The following CCDC150 variants were observed in gnomAD, a reference collection of about 807,000 sequenced individuals.
CCDC150 encodes coiled-coil domain-containing protein 150.
In CCDC150, 151 loss-of-function variants were observed where a neutral mutation model predicts 156.5. The observed-to-expected ratio is 0.97, with a 90% CI of 0.85 to 1.10. The LOEUF is 1.10. Ranked by LOEUF, CCDC150 falls within the 50% of genes least tolerant of loss-of-function variation. CCDC150 has a pLI of 0.00. For synonymous variants in CCDC150, 452 were observed against 429.4 expected (o/e 1.05, Z -0.65); for missense variants, 1,312 against 1,268.1 (o/e 1.03, Z -0.53).
In CCDC150 at chr2:196,657,137, G is replaced by A. The variant is rs746514107; in HGVS notation, c.576+1G>A. On this transcript the variant is annotated splice_donor_variant, in intron 4 of 27. Coordinates refer to ENST00000389175, the MANE Select transcript of CCDC150 (RefSeq NM_001080539.2). LOFTEE classifies it high-confidence loss of function. ...TCTGAAGATTGCCTCGCAGACAAAG[G>A]TTTGAGTCTAAGAGTTCTGAAGTAT... is the stretch of plus-strand genomic sequence containing the variant. The A allele has an allele frequency of 1.9e-6, 3 of 1,613,502 alleles. No individual in the cohort carries two copies. Among genetic ancestry groups the A allele is most frequent in the East Asian group, 2.2e-5 (1 of 44,878 alleles).
rs780854947 is a variant in CCDC150, at chr2:196,658,828, A to G, written c.613A>G (p.Thr205Ala). 3 of 1,606,360 alleles carry G rather than the reference A, an allele frequency of 1.9e-6. No homozygotes were observed. Among genetic ancestry groups the G allele is most frequent in the Middle Eastern group, 1.6e-4 (1 of 6,072 alleles). ...AAIIEEELKTTKRKMNLKIQE... is the reference protein window; with the variant it reads ...AAIIEEELKTAKRKMNLKIQE... The stretch of plus-strand genomic sequence containing the variant: ...CATTATTGAAGAGGAACTGAAGACC[A>G]CAAAACGTAAAATGAACCTTAAAAT... Residue 205 changes from threonine (T) to alanine (A), a missense_variant, in exon 5 of 28, where the codon ACA (threonine) becomes GCA (alanine). Physicochemically the swap from Thr to Ala is moderately conservative, Grantham distance 58. Transcript: ENST00000389175.
At chr2:196,708,557 A>C (rs1425834825) in intron 15 of CCDC150, among the ~76,000 whole-genome samples, 2 of 152,162 alleles carry the variant, frequency 1.3e-5, no homozygotes, top group African/African-American at 2.4e-5. Flanking sequence ...TCATGATGTT[A>C]GCTGGTTATT....
intron 17 of CCDC150, among the ~76,000 whole-genome samples, chr2:196,717,984 G>A (rs77350357): frequency 0.013 from 1,961 of 152,188 alleles, 40 homozygotes; most frequent in African/African-American, 0.043. Flanking sequence ...AAGTTTAAAA[G>A]GGGTAATATT....
At chr2:196,681,062 T>C (rs562941555) in intron 13 of CCDC150, among the ~76,000 whole-genome samples, 1 of 152,196 alleles carries the variant, frequency 6.6e-6, no homozygotes, top group African/African-American at 2.4e-5. Context: ...ATTCAAAATA[T>C]TTTCATCACC....
At position 196,667,641 on chromosome 2, in the gene CCDC150, A is replaced by C. The variant is rs548897759; in HGVS notation, c.892+793A>C. On this transcript the variant is annotated intron_variant, in intron 7 of 27. Transcript: ENST00000389175. The stretch of plus-strand genomic sequence containing the variant: ...TTACAAAAGGAAAAAATGGCAAAGT[A>C]AGACCTAGACCTGGATCTTCTAACT... 9 of 152,420 alleles carry C rather than the reference A, an allele frequency of 5.9e-5. No individual in the cohort carries two copies. The East Asian group carries it at 1.2e-3, about 20-fold the overall frequency. The allele number at this position is 152,420 out of a possible 1,614,324, so 9.4% of individuals were successfully genotyped here.
chr2:196,717,671 C>T (rs1697614771), intron 17 of CCDC150, among the ~76,000 whole-genome samples: 1 of 152,134 alleles, frequency 6.6e-6, no homozygotes, highest in Non-Finnish European at 1.5e-5. Flanking sequence ...GTGAGCAGAT[C>T]ACCTGAGGTT....
chr2:196,649,443 A>G (rs9679558), intron 2 of CCDC150, among the ~76,000 whole-genome samples: 105,105 of 152,058 alleles, frequency 0.69, 36,688 homozygotes, highest in East Asian at 0.92. Flanking sequence ...CTATGTTTAG[A>G]TATACAAATA....
rs758763208 is a variant in CCDC150 at position 196,656,826 on chromosome 2, G to A, written c.370G>A (p.Glu124Lys). ...GATGAACATCTTTCGGCTGCAAACT[G>A]AAAAGGATTTGAATCCTCAGAAAAC... ...LKMNIFRLQT[E>K]KDLNPQKTAF... Residue 124 changes from glutamate to lysine, a missense_variant, in exon 3 of 28, where the codon GAA becomes AAA. Transcript: ENST00000389175. 6.2e-6 allele frequency: 10 copies of A among 1,613,764 alleles called. No individual in the cohort carries two copies. Among genetic ancestry groups the A allele is most frequent in the Non-Finnish European group, 1.7e-6 (2 of 1,179,822 alleles).
chr2:196,689,221 G>A lies in CCDC150; in HGVS notation c.1510-5825G>A, dbSNP rs953833673. On this transcript the variant is annotated intron_variant, in intron 13 of 27. Transcript: ENST00000389175. Reference sequence around the variant, plus strand: ...TCTTTTGGCTTAGGATTGACTTGGCGATGTGGGCTCTTTTTTGGTTCCATA... The same window carrying A: ...TCTTTTGGCTTAGGATTGACTTGGCAATGTGGGCTCTTTTTTGGTTCCATA... Among the ~76,000 whole-genome samples, 184 of 152,086 alleles carry A rather than the reference G, an allele frequency of 1.2e-3. 1 individual carries two copies. In the East Asian group the frequency reaches 0.019, roughly 16 times the overall value.
intron 15 of CCDC150, among the ~76,000 whole-genome samples, chr2:196,706,603 A>G (rs530781743): frequency 3.1e-4 from 47 of 152,208 alleles, no homozygotes; most frequent in African/African-American, 1.1e-3. Flanking sequence ...TTTTCAAAGG[A>G]AATGCTTTCA....
At chr2:196,667,175 T>C (rs945101217) in intron 7 of CCDC150, 2 of 336,412 alleles carry the variant, frequency 5.9e-6, no homozygotes, top group Non-Finnish European at 1.1e-5. Context: ...TATTTGATAA[T>C]AGAATATTAG....
intron 15 of CCDC150, among the ~76,000 whole-genome samples, chr2:196,703,296 G>C (rs757816259): frequency 3.9e-5 from 6 of 152,102 alleles, no homozygotes; most frequent in Non-Finnish European, 7.4e-5. Flanking sequence ...CCATCTAAAA[G>C]GTAGTCGATA....
chr2:196,709,836 A>G (rs1343538909), intron 15 of CCDC150, among the ~76,000 whole-genome samples: 1 of 152,154 alleles, frequency 6.6e-6, no homozygotes, highest in African/African-American at 2.4e-5. Context: ...TCACCACCGG[A>G]GGCTGCAGAA....
chr2:196,654,535 C>T (rs1356583711), intron 2 of CCDC150, among the ~76,000 whole-genome samples: 1 of 151,884 alleles, frequency 6.6e-6, no homozygotes, highest in South Asian at 2.1e-4. Context: ...CCATTGAACC[C>T]CTCTATTGAA....
At chr2:196,681,250 G>T (rs1274604356) in intron 13 of CCDC150, among the ~76,000 whole-genome samples, 1 of 152,010 alleles carries the variant, frequency 6.6e-6, no homozygotes, top group Non-Finnish European at 1.5e-5. Context: ...TTAGCATGAT[G>T]CTTTTGGGGT....
At chr2:196,649,822 G>C (rs1302553673) in intron 2 of CCDC150, among the ~76,000 whole-genome samples, 1 of 152,118 alleles carries the variant, frequency 6.6e-6, no homozygotes, top group Admixed American at 6.5e-5. Flanking sequence ...GAATAGAAAT[G>C]CTACTGATTT....
intron 13 of CCDC150, among the ~76,000 whole-genome samples, chr2:196,684,763 T>A (rs1695032147): frequency 6.6e-6 from 1 of 152,172 alleles, no homozygotes; most frequent in Admixed American, 6.5e-5. Context: ...ATGATACATC[T>A]TCTTGATGAG....
intron 13 of CCDC150, among the ~76,000 whole-genome samples, chr2:196,689,244 A>C (rs1016819929): frequency 4.6e-5 from 7 of 152,130 alleles, no homozygotes; most frequent in African/African-American, 1.7e-4. Flanking sequence ...TTTTGGTTCC[A>C]TATGAACTTT....
chr2:196,645,669 A>G (rs1281136752), intron 1 of CCDC150, among the ~76,000 whole-genome samples: 2 of 152,108 alleles, frequency 1.3e-5, no homozygotes, highest in African/African-American at 2.4e-5. Context: ...ATTTATTTTC[A>G]TTGCGTTTTG....
Sources: allele counts gnomAD v4.1 joint callset (sites outside exome capture counted in the v4.1 genomes callset), GRCh38; gene constraint gnomAD v4.1.1; transcripts MANE v1.5; gene names NCBI Gene and HGNC (gene_info 2026-07-23, HGNC 2026-07-21).